Variants in SLC35F4 observed in about 807,000 individuals in gnomAD.
The protein encoded by SLC35F4 is chromosome 14 open reading frame 36.
In SLC35F4, 24 loss-of-function variants were observed where a neutral mutation model predicts 44.2. The ratio of observed to expected loss-of-function variants is 0.54; its 90% confidence interval spans 0.39 to 0.76. The LOEUF is 0.76. Among genes scored for constraint, SLC35F4 ranks in the 30% least tolerant of loss-of-function variants. The pLI is 0.00. For missense variants in SLC35F4, 562 were observed against 586.1 expected (o/e 0.96, Z 0.42); for synonymous variants, 238 against 223.6 (o/e 1.06, Z -0.57).
intron 1 of SLC35F4, among the ~76,000 whole-genome samples, chr14:57,923,030 G>A (rs569613263): frequency 1.3e-5 from 2 of 152,314 alleles, no homozygotes; most frequent in East Asian, 1.9e-4. Flanking sequence ...ATCCCTATGA[G>A]CTATGGTAGG....
intron 1 of SLC35F4, among the ~76,000 whole-genome samples, chr14:57,797,287 C>G (rs1449604761): frequency 6.6e-6 from 1 of 152,156 alleles, no homozygotes; most frequent in Non-Finnish European, 1.5e-5. Context: ...GTTCCCTCTG[C>G]CCCAGGTAAT....
chr14:57,836,354 G>A (rs531764222), intron 1 of SLC35F4, among the ~76,000 whole-genome samples: 10 of 152,060 alleles, frequency 6.6e-5, no homozygotes, highest in African/African-American at 1.9e-4. Flanking sequence ...GTGCAGTGGC[G>A]CGATCTCAGC....
intron 1 of SLC35F4, among the ~76,000 whole-genome samples, chr14:57,849,207 C>T (rs2140981108): frequency 6.6e-6 from 1 of 152,340 alleles, no homozygotes; most frequent in South Asian, 2.1e-4. Flanking sequence ...GTTGCCCAGG[C>T]TGGAGTGCAG....
chr14:57,702,935 G>C (rs1594834409), intron 1 of SLC35F4, among the ~76,000 whole-genome samples: 1 of 152,202 alleles, frequency 6.6e-6, no homozygotes, highest in African/African-American at 2.4e-5. Context: ...CATTTTCTGT[G>C]GGTTGTTGGG....
chr14:57,609,398 A>T (rs957166083), intron 1 of SLC35F4, among the ~76,000 whole-genome samples: 2 of 152,170 alleles, frequency 1.3e-5, no homozygotes, highest in South Asian at 2.1e-4. Context: ...TGCTTCCATG[A>T]TTGTTGCAAA....
At chr14:57,611,375 A>G (rs78730390) in intron 1 of SLC35F4, among the ~76,000 whole-genome samples, 9,941 of 152,206 alleles carry the variant, frequency 0.065, 923 homozygotes, top group African/African-American at 0.21. Context: ...TTCCCATGTA[A>G]GAGACAATGG....
chr14:57,708,159 T>C (rs2075725069), intron 1 of SLC35F4, among the ~76,000 whole-genome samples: 1 of 152,190 alleles, frequency 6.6e-6, no homozygotes, highest in African/African-American at 2.4e-5. Context: ...TTGCAGACCC[T>C]GCACTTGATG....
intron 1 of SLC35F4, among the ~76,000 whole-genome samples, chr14:57,807,343 G>A (rs1361004419): frequency 6.7e-6 from 1 of 149,664 alleles, no homozygotes; most frequent in Non-Finnish European, 1.5e-5. Flanking sequence ...AGGTAGTTCT[G>A]CCTAACTCAG....
At chr14:57,734,993 T>A (rs2076428951) in intron 1 of SLC35F4, among the ~76,000 whole-genome samples, 1 of 152,082 alleles carries the variant, frequency 6.6e-6, no homozygotes, top group Non-Finnish European at 1.5e-5. Flanking sequence ...ACATGAAGCA[T>A]CCTGATTATT....
chr14:57,762,618 C>G (rs2077150624), intron 1 of SLC35F4, among the ~76,000 whole-genome samples: 1 of 152,022 alleles, frequency 6.6e-6, no homozygotes, highest in Admixed American at 6.6e-5. Flanking sequence ...AATGATTAGG[C>G]CATGAGGGCT....
intron 1 of SLC35F4, among the ~76,000 whole-genome samples, chr14:57,980,571 C>T (rs1566524952): frequency 1.3e-5 from 2 of 152,098 alleles, no homozygotes; most frequent in African/African-American, 2.4e-5. Context: ...GAGTGAATTT[C>T]AAGCATAGCA....
intron 1 of SLC35F4, among the ~76,000 whole-genome samples, chr14:57,889,911 T>G (rs141224643): frequency 4.7e-4 from 71 of 152,294 alleles, no homozygotes; most frequent in Non-Finnish European, 8.4e-4. Flanking sequence ...GCTTCAGGGA[T>G]GCAGTGGAGA....
chr14:57,613,093 T>C (rs1282197622), intron 1 of SLC35F4, among the ~76,000 whole-genome samples: 2 of 152,142 alleles, frequency 1.3e-5, no homozygotes, highest in Admixed American at 1.3e-4. Flanking sequence ...AGCTGGGTTG[T>C]TTTGGAGTCC....
At chr14:57,566,909 G>C (rs1417022172) in intron 6 of SLC35F4, among the ~76,000 whole-genome samples, 1 of 152,198 alleles carries the variant, frequency 6.6e-6, no homozygotes, top group East Asian at 1.9e-4. Flanking sequence ...GATTGAAGAT[G>C]GTGCCTCATC....
chr14:57,962,335 T>C (rs1477472658), intron 1 of SLC35F4, among the ~76,000 whole-genome samples: 1 of 152,146 alleles, frequency 6.6e-6, no homozygotes, highest in African/African-American at 2.4e-5. Context: ...TAGACAGAAC[T>C]CCAGGAGGAT....
intron 1 of SLC35F4, among the ~76,000 whole-genome samples, chr14:57,621,928 G>A (rs937308338): frequency 1.0e-4 from 15 of 150,132 alleles, no homozygotes; most frequent in African/African-American, 3.7e-4. Flanking sequence ...TCTGACAAAG[G>A]GCTAATAACT....
At chr14:57,628,856 A>G (rs1288198477) in intron 1 of SLC35F4, among the ~76,000 whole-genome samples, 1 of 152,118 alleles carries the variant, frequency 6.6e-6, no homozygotes, top group Non-Finnish European at 1.5e-5. Flanking sequence ...CCCTAAAGTG[A>G]TTTTCATTTC....
chr14:57,835,734 G>C (rs1180711820), intron 1 of SLC35F4, among the ~76,000 whole-genome samples: 1 of 152,150 alleles, frequency 6.6e-6, no homozygotes, highest in Non-Finnish European at 1.5e-5. Flanking sequence ...ATTTAGCACT[G>C]ATCACCCACG....
At chr14:57,645,238 T>G (rs868363881) in intron 1 of SLC35F4, among the ~76,000 whole-genome samples, 4 of 152,348 alleles carry the variant, frequency 2.6e-5, no homozygotes, top group Middle Eastern at 6.8e-3. Flanking sequence ...CAATATTGAT[T>G]CTTCCTACCC....
Sources: allele counts gnomAD v4.1 joint callset (sites outside exome capture counted in the v4.1 genomes callset), GRCh38; gene constraint gnomAD v4.1.1; transcripts MANE v1.5; gene names NCBI Gene and HGNC (gene_info 2026-07-23, HGNC 2026-07-21).